MAP3K15: variants seen among roughly 807,000 people sequenced by gnomAD.
MAP3K15 encodes the protein MAPK/ERK kinase kinase 15.
In MAP3K15, 124 loss-of-function variants were observed where a neutral mutation model predicts 99.5. The ratio of observed to expected loss-of-function variants is 1.25; its 90% CI spans 1.08 to 1.45. The LOEUF (loss-of-function observed/expected upper bound fraction) is 1.45. Among genes scored for constraint, MAP3K15 ranks in the 40% most tolerant of loss-of-function variants. MAP3K15 has a pLI of 0.00. For synonymous variants in MAP3K15, 494 were observed against 439.6 expected, an observed-to-expected ratio of 1.12 and a Z score of -1.55; for missense variants, 1,242 against 1,079.7, an observed-to-expected ratio of 1.15 and a Z score of -2.11.
intron 5 of MAP3K15, among the ~76,000 whole-genome samples, chrX:19,459,775 G>A (rs1319412216): frequency 8.9e-6 from 1 of 112,001 alleles, no homozygotes; most frequent in Non-Finnish European, 1.9e-5. Flanking sequence ...GCTTGAACCC[G>A]GGAGGCTGAG....
Position 19,392,438 on chromosome X carries a change from GCCC to G in MAP3K15, c.2227_2229del (p.Gly743del). 1 of 1,210,113 alleles carries G rather than the reference GCCC, an allele frequency of 8.3e-7. No individual in the cohort carries two copies. Among genetic ancestry groups the G allele is most frequent in the Non-Finnish European group, 1.1e-6 (1 of 894,386 alleles). On this transcript the variant is annotated inframe_deletion, in exon 17 of 29. Transcript: ENST00000338883. The stretch of plus-strand genomic sequence containing the variant: ...AACTTGATTGTCGGTTCCTTCATCG[GCCC>G]CCATTTGGATCGCAGAAGAGCAGAA...
chrX:19,364,269 A>G (rs1290633330), intron 25 of MAP3K15, among the ~76,000 whole-genome samples: 1 of 112,128 alleles, frequency 8.9e-6, no homozygotes, highest in African/African-American at 3.2e-5. Flanking sequence ...CTGGGATCAG[A>G]TATGACTTGG....
intron 9 of MAP3K15, among the ~76,000 whole-genome samples, chrX:19,419,380 G>A (rs2147289802): frequency 9.2e-6 from 1 of 109,040 alleles, no homozygotes; most frequent in South Asian, 4.0e-4. Context: ...AAAGGCAGGG[G>A]TTGCAATCCT....
rs35963207 is a variant in MAP3K15, at chrX:19,443,022, C to CTTTTTTTT, written c.996-11422_996-11415dup. On this transcript the variant is annotated intron_variant, in intron 6 of 28. Transcript: ENST00000338883. ...GACAGGCATGAGCCACCATGCCCGGCTTTTTTTTTTTTTTTTTTTTTTTTT... is the reference window on the plus strand; with the variant it reads ...GACAGGCATGAGCCACCATGCCCGGCTTTTTTTTTTTTTTTTTTTTTTTTTTTTTTTTT... Among the ~76,000 whole-genome samples the CTTTTTTTT allele has an allele frequency of 3.5e-4, 6 of 17,238 alleles. 1 individual carries two copies. The highest frequency in any genetic ancestry group is 5.3e-4 in the Non-Finnish European group (6 of 11,289). The allele number at this position is 17,238 out of a possible 115,157, so 15.0% of individuals were successfully genotyped here.
chrX:19,430,415 C>A (rs1472186434), intron 7 of MAP3K15, among the ~76,000 whole-genome samples: 1 of 111,865 alleles, frequency 8.9e-6, no homozygotes, highest in Non-Finnish European at 1.9e-5. Context: ...CTACAGCTGA[C>A]TTCAGTTTTA....
chrX:19,421,518 C>T lies in MAP3K15; in HGVS notation c.1439+4013G>A, dbSNP rs4611957. Among the ~76,000 whole-genome samples the T allele has an allele frequency of 4.6e-3, 505 of 110,153 alleles. 3 individuals are homozygous for T. Among genetic ancestry groups the T allele is most frequent in the Non-Finnish European group, 7.7e-3 (405 of 52,911 alleles). On this transcript the variant is annotated intron_variant, in intron 9 of 28. Transcript: ENST00000338883. Reference sequence around the variant, plus strand: ...AGGAGAACTACAAACCACTGCTCAACGAAATAAAAGAGGATACAAGGAAAC... The same window carrying T: ...AGGAGAACTACAAACCACTGCTCAATGAAATAAAAGAGGATACAAGGAAAC...
At chrX:19,366,876 A>T (rs2063338288) in intron 25 of MAP3K15, among the ~76,000 whole-genome samples, 1 of 112,126 alleles carries the variant, frequency 8.9e-6, no homozygotes, top group Non-Finnish European at 1.9e-5. Context: ...ACTGGAAAAT[A>T]ACACAATGAC....
intron 10 of MAP3K15, among the ~76,000 whole-genome samples, chrX:19,413,686 G>GC (rs1421619010): frequency 1.8e-5 from 1 of 56,028 alleles, no homozygotes; most frequent in Non-Finnish European, 3.0e-5. Context: ...TTGGGGGGGG[G>GC]GGTGGGGAAG....
At chrX:19,421,524 A>G (rs957946133) in intron 9 of MAP3K15, among the ~76,000 whole-genome samples, 18 of 111,012 alleles carry the variant, frequency 1.6e-4, no homozygotes, top group Admixed American at 9.6e-4. Context: ...TCAACGAAAT[A>G]AAAGAGGATA....
intron 18 of MAP3K15, among the ~76,000 whole-genome samples, chrX:19,384,778 A>C (rs867954999): frequency 1.9e-5 from 2 of 106,053 alleles, no homozygotes; most frequent in East Asian, 2.9e-4. Context: ...AAAAAAAAAA[A>C]AACTGTACAT....
intron 6 of MAP3K15, among the ~76,000 whole-genome samples, chrX:19,433,226 T>G (rs2063897242): frequency 9.0e-6 from 1 of 111,096 alleles, no homozygotes; most frequent in Admixed American, 9.7e-5. Flanking sequence ...TTGACTGGGC[T>G]AAGGAAGACC....
rs1327033288 is a variant in MAP3K15 at position 19,360,570 on chromosome X, A to G, written c.*179T>C. On this transcript the variant is annotated 3_prime_UTR_variant, in exon 29 of 29. Transcript: ENST00000338883. ...TCACAATACACACAGTTCTATGTTT[A>G]TAAATAACAGGTTTCAAAAGAAACT... 4 of 404,697 alleles carry G rather than the reference A, an allele frequency of 9.9e-6. No individual in the cohort carries two copies. Among genetic ancestry groups the G allele is most frequent in the Non-Finnish European group, 8.5e-6 (2 of 234,193 alleles). 33.4% of individuals were successfully genotyped at this position (404,697 alleles called of 1,213,427 possible). A position where few individuals can be genotyped will look rare whatever the true frequency, so the allele number is the denominator to read the frequency against.
intron 9 of MAP3K15, 115 bp downstream of exon 9, chrX:19,425,416 G>A (rs772671199): frequency 8.6e-6 from 6 of 696,853 alleles, no homozygotes; most frequent in Non-Finnish European, 1.2e-5. Flanking sequence ...TTGTGTCTGT[G>A]CTAACTTTGC....
At position 19,414,100 on chromosome X, in the gene MAP3K15, G is replaced by A. The variant is rs1252858539; in HGVS notation, c.1591-636C>T. ...CACTTGAACCCAGGAGGCGGAGGTT[G>A]CAGTGAGCCGAGGTTGCACCACTGC... On this transcript the variant is annotated intron_variant, in intron 10 of 28. Coordinates refer to ENST00000338883, the MANE Select transcript of MAP3K15 (RefSeq NM_001001671.4). 2.4e-4 allele frequency among the ~76,000 whole-genome samples: 25 copies of A among 104,616 alleles called. No homozygotes were observed. In the East Asian group the frequency reaches 7.0e-3, roughly 29 times the overall value. The allele number at this position is 104,616 out of a possible 115,157, so 90.8% of individuals were successfully genotyped here.
chrX:19,465,540 G>A (rs1174319593), intron 3 of MAP3K15, among the ~76,000 whole-genome samples: 1 of 103,626 alleles, frequency 9.7e-6, no homozygotes, highest in Non-Finnish European at 2.0e-5. Context: ...GAGGTCAGGA[G>A]TTTGAGACCA....
At chrX:19,393,966 G>A (rs1159944620) in intron 16 of MAP3K15, among the ~76,000 whole-genome samples, 1 of 108,258 alleles carries the variant, frequency 9.2e-6, no homozygotes, top group African/African-American at 3.4e-5. Context: ...TAGAGAGGGG[G>A]TTTCTCCATG....
At chrX:19,508,149 T>C in intron 1 of MAP3K15, among the ~76,000 whole-genome samples, 1 of 111,214 alleles carries the variant, frequency 9.0e-6, no homozygotes, top group Non-Finnish European at 1.9e-5. Flanking sequence ...ATCACAGGCA[T>C]GAGCCGCCAC....
rs766052583 is a variant in MAP3K15 at position 19,371,376 on chromosome X, A to C, written c.3263T>G (p.Ile1088Ser). ...LDFDSSSISQIHLVLFGFQDA... is the reference protein window; with the variant it reads ...LDFDSSSISQSHLVLFGFQDA... ...CTGAAATCCGAACAGCACCAGGTGA[A>C]TCTGACTGATGGACGAGCTGTCAAA... The change falls in exon 23 of 29, where the codon ATT becomes AGT. Residue 1088 changes from isoleucine (I) to serine (S), a missense_variant. Physicochemically the swap from Ile to Ser is moderately radical, Grantham distance 142 (BLOSUM62 -2). Transcript: ENST00000338883. 118 of 1,208,515 alleles carry C rather than the reference A, an allele frequency of 9.8e-5. No individual in the cohort carries two copies. Among genetic ancestry groups the C allele is most frequent in the Non-Finnish European group, 1.3e-4 (116 of 894,320 alleles).
intron 18 of MAP3K15, among the ~76,000 whole-genome samples, chrX:19,390,692 A>G (rs1464340481): frequency 9.6e-6 from 1 of 104,635 alleles, no homozygotes; most frequent in Non-Finnish European, 1.9e-5. Context: ...CAGCCTATGA[A>G]AGCTGTTTTT....
Sources: allele counts gnomAD v4.1 joint callset (sites outside exome capture counted in the v4.1 genomes callset), GRCh38; gene constraint gnomAD v4.1.1; transcripts MANE v1.5; gene names NCBI Gene and HGNC (gene_info 2026-07-23, HGNC 2026-07-21).